The following EIF4G3 variants were observed in gnomAD, a reference collection of about 807,000 sequenced individuals.
EIF4G3 encodes the protein eukaryotic translation initiation factor 4 gamma 3, also known as eIF-4-gamma 3.
Under a neutral mutation model 186.4 loss-of-function variants are expected in EIF4G3, and 34 were observed. The observed-to-expected ratio is 0.18, with a 90% CI of 0.14 to 0.24. The LOEUF (loss-of-function observed/expected upper bound fraction) is 0.24. Ranked by LOEUF, EIF4G3 falls within the 10% of genes least tolerant of loss-of-function variation. The probability of loss-of-function intolerance (pLI) is 1.00; values close to 1 mark genes in which losing one functional copy is unlikely to be tolerated. For missense variants in EIF4G3, 1,536 were observed against 1,948.5 expected (o/e 0.79, Z 3.99); for synonymous variants, 673 against 679.5 (o/e 0.99, Z 0.15).
At chr1:21,006,914 A>G (rs926668013) in intron 4 of EIF4G3, among the ~76,000 whole-genome samples, 1 of 152,214 alleles carries the variant, frequency 6.6e-6, no homozygotes, top group Non-Finnish European at 1.5e-5. Context: ...ACATTTATAC[A>G]GCTTTTACTA....
chr1:20,853,986 C>G (rs561814488), intron 26 of EIF4G3, among the ~76,000 whole-genome samples: 6 of 152,142 alleles, frequency 3.9e-5, no homozygotes, highest in Non-Finnish European at 7.4e-5. Flanking sequence ...CAAAGCTAAC[C>G]AGCACAAATG....
At chr1:21,042,124 C>T (rs1290130329) in intron 4 of EIF4G3, among the ~76,000 whole-genome samples, 1 of 151,712 alleles carries the variant, frequency 6.6e-6, no homozygotes, top group Admixed American at 6.6e-5. Context: ...TCAGGTGAGA[C>T]GAGAGGCCCA....
At chr1:21,015,907 G>A (rs2088863264) in intron 4 of EIF4G3, among the ~76,000 whole-genome samples, 2 of 151,932 alleles carry the variant, frequency 1.3e-5, no homozygotes, top group South Asian at 4.1e-4. Flanking sequence ...TGCCCTACAA[G>A]AAATGACCAA....
intron 14 of EIF4G3, chr1:20,929,730 T>C (rs1177200182): frequency 6.6e-6 from 1 of 152,210 alleles, no homozygotes; most frequent in Non-Finnish European, 1.5e-5. Flanking sequence ...TTCATTTTTC[T>C]AGATGAGAAA....
At chr1:20,852,230 G>A (rs989510131) in intron 27 of EIF4G3, among the ~76,000 whole-genome samples, 5 of 152,016 alleles carry the variant, frequency 3.3e-5, no homozygotes, top group African/African-American at 1.2e-4. Flanking sequence ...TCGAACTCCC[G>A]ATCTCAGGTG....
At chr1:20,997,372 C>A (rs888619015) in intron 7 of EIF4G3, among the ~76,000 whole-genome samples, 1 of 150,134 alleles carries the variant, frequency 6.7e-6, no homozygotes, top group Non-Finnish European at 1.5e-5. Flanking sequence ...AAAAAAAAAA[C>A]TGTAGCATTT....
At chr1:20,845,618 C>T (rs1263198370) in intron 29 of EIF4G3, among the ~76,000 whole-genome samples, 7 of 151,700 alleles carry the variant, frequency 4.6e-5, no homozygotes, top group Admixed American at 3.9e-4. Context: ...GCCGAGATCG[C>T]GCCACTGCAC....
At chr1:20,876,535 T>A (rs975591378) in intron 20 of EIF4G3, among the ~76,000 whole-genome samples, 2 of 151,586 alleles carry the variant, frequency 1.3e-5, no homozygotes, top group South Asian at 2.1e-4. Context: ...CATATTTTCA[T>A]GTGATTTTAT....
At chr1:20,809,008 T>C (rs926939162) in intron 36 of EIF4G3, among the ~76,000 whole-genome samples, 11 of 152,110 alleles carry the variant, frequency 7.2e-5, no homozygotes, top group Non-Finnish European at 1.3e-4. Context: ...AGTTTTGCTC[T>C]TTTTGCCCAG....
chr1:20,862,937 C>A (rs1384038836), intron 22 of EIF4G3, among the ~76,000 whole-genome samples: 1 of 151,908 alleles, frequency 6.6e-6, no homozygotes, highest in Non-Finnish European at 1.5e-5. Context: ...TGCCACTACA[C>A]CCAGCTAAAT....
At chr1:21,037,578 C>T (rs929580611) in intron 4 of EIF4G3, among the ~76,000 whole-genome samples, 3 of 152,002 alleles carry the variant, frequency 2.0e-5, no homozygotes, top group Non-Finnish European at 4.4e-5. Context: ...AAATCAATAC[C>T]GTAAAAACCT....
In EIF4G3 at chr1:20,942,311, A is replaced by G; in HGVS notation, c.843T>C (p.Asp281=). The change falls in exon 14 of 37, where the codon GAT becomes GAC. Residue 281 remains aspartate (D), a synonymous_variant. Transcript: ENST00000602326. Reference sequence around the variant, plus strand: ...CTGGGGAAGGAGACTTTAACACTGGATCTGGTTTTGGCTTCTCCTCTGGGG... The same window carrying G: ...CTGGGGAAGGAGACTTTAACACTGGGTCTGGTTTTGGCTTCTCCTCTGGGG... ...DQKQEEKPKP[D]PVLKSPSPVL... is the part of the protein sequence containing the mutation. The G allele has an allele frequency of 1.9e-6, 3 of 1,581,532 alleles. No individual in the cohort carries two copies. Among genetic ancestry groups the G allele is most frequent in the Non-Finnish European group, 2.6e-6 (3 of 1,167,946 alleles).
At chr1:20,890,537 C>T (rs1006907978) in intron 18 of EIF4G3, among the ~76,000 whole-genome samples, 1 of 152,090 alleles carries the variant, frequency 6.6e-6, no homozygotes, top group African/African-American at 2.4e-5. Flanking sequence ...CTGTCTCCAA[C>T]CTCTGTTTCC....
chr1:21,093,887 A>G (rs2096276364), intron 2 of EIF4G3, among the ~76,000 whole-genome samples: 1 of 152,102 alleles, frequency 6.6e-6, no homozygotes, highest in Non-Finnish European at 1.5e-5. Flanking sequence ...TCTCACTCAT[A>G]GGTGGGAATT....
At chr1:21,030,872 TG>T (rs141575073) in intron 4 of EIF4G3, among the ~76,000 whole-genome samples, 4,992 of 152,176 alleles carry the variant, frequency 0.033, 270 homozygotes, top group African/African-American at 0.11. Flanking sequence ...CAGTTGCTAT[TG>T]GGAGGCAAAG....
intron 2 of EIF4G3, among the ~76,000 whole-genome samples, chr1:21,138,525 A>G (rs1371575801): frequency 1.3e-5 from 2 of 152,198 alleles, no homozygotes; most frequent in African/African-American, 2.4e-5. Flanking sequence ...CTTAATTAAT[A>G]TCAAGATGTC....
At chr1:20,867,423 C>G (rs995375899) in intron 20 of EIF4G3, among the ~76,000 whole-genome samples, 1 of 152,302 alleles carries the variant, frequency 6.6e-6, no homozygotes, top group East Asian at 1.9e-4. Context: ...GATAAAATAG[C>G]TGGTGAAAAG....
intron 14 of EIF4G3, among the ~76,000 whole-genome samples, chr1:20,936,401 C>A (rs1453169551): frequency 6.6e-6 from 1 of 152,116 alleles, no homozygotes; most frequent in Non-Finnish European, 1.5e-5. Flanking sequence ...GACAAAGAAC[C>A]AGGAATGTGT....
intron 3 of EIF4G3, among the ~76,000 whole-genome samples, chr1:21,054,022 T>C: frequency 6.6e-6 from 1 of 152,010 alleles, no homozygotes. Context: ...TTTTGTGGAA[T>C]AGAAAGGGGG....
Sources: allele counts gnomAD v4.1 joint callset (sites outside exome capture counted in the v4.1 genomes callset), GRCh38; gene constraint gnomAD v4.1.1; transcripts MANE v1.5; gene names NCBI Gene and HGNC (gene_info 2026-07-23, HGNC 2026-07-21).